RAB15: variants seen among roughly 807,000 people sequenced by gnomAD.
The protein encoded by RAB15 is RAB15, member RAS oncogene family, also known as ras-related protein Rab-15.
A neutral mutation model predicts 31.8 loss-of-function variants in RAB15; 13 were observed. The ratio of observed to expected loss-of-function variants is 0.41; its 90% CI spans 0.27 to 0.65. The LOEUF is 0.65. RAB15 is among the 30% of genes least tolerant of loss of function. The pLI, the probability that RAB15 is intolerant of heterozygous loss-of-function variation, is 0.32. For synonymous variants in RAB15, 100 were observed against 105.6 expected (o/e 0.95, Z 0.33); for missense variants, 220 against 277.3 (o/e 0.79, Z 1.47).
intron 1 of RAB15, among the ~76,000 whole-genome samples, chr14:64,964,864 C>G (rs558374910): frequency 1.3e-5 from 2 of 152,082 alleles, no homozygotes; most frequent in African/African-American, 4.8e-5. Context: ...CGTGAGCCAC[C>G]GCACCCAGCC....
At position 64,950,314 on chromosome 14, in the gene RAB15, C is replaced by G; in HGVS notation, c.414+11G>C. The G allele has an allele frequency of 6.2e-7, 1 of 1,611,878 alleles. No homozygotes were observed. On this transcript the variant is annotated intron_variant, in intron 5 of 6. Transcript: ENST00000533601. This position sits in a 1 kb window ranked among gnomAD's most constrained non-coding sequence, Gnocchi z 5.6. ...GGACCTGGGGTGGACTTGCCTTTTCCCTCCACTTACCTGCTGCCCTTGCTC... is the reference window on the plus strand; with the variant it reads ...GGACCTGGGGTGGACTTGCCTTTTCGCTCCACTTACCTGCTGCCCTTGCTC...
At position 64,968,411 on chromosome 14, in the gene RAB15, C is replaced by T. The variant is rs932916824; in HGVS notation, c.124+3542G>A. Reference sequence around the variant, plus strand: ...CCACAGGGGCCTCTCTCTTCCCCAGCCTCCGACAGCATGGAGTCGTGGGAA... The same window carrying T: ...CCACAGGGGCCTCTCTCTTCCCCAGTCTCCGACAGCATGGAGTCGTGGGAA... On this transcript the variant is annotated intron_variant, in intron 1 of 6. Coordinates refer to ENST00000533601, the MANE Select transcript of RAB15 (RefSeq NM_001308154.2). This position sits in a 1 kb window ranked among gnomAD's most constrained non-coding sequence, Gnocchi z 4.9. 2.0e-5 allele frequency among the ~76,000 whole-genome samples: 3 copies of T among 152,204 alleles called. No individual in the cohort carries two copies. The highest frequency in any genetic ancestry group is 7.2e-5 in the African/African-American group (3 of 41,458).
chr14:64,950,248 T>C lies in RAB15; in HGVS notation c.414+77A>G. 1 of 1,214,080 alleles carries C rather than the reference T, an allele frequency of 8.2e-7. No individual in the cohort carries two copies. Among genetic ancestry groups the C allele is most frequent in the South Asian group, 1.2e-5 (1 of 83,092 alleles). The allele number at this position is 1,214,080 out of a possible 1,614,324, so 75.2% of individuals were successfully genotyped here. A position where few individuals can be genotyped will look rare whatever the true frequency, so the allele number is the denominator to read the frequency against. On this transcript the variant is annotated intron_variant, in intron 5 of 6. Coordinates refer to ENST00000533601, the MANE Select transcript of RAB15 (RefSeq NM_001308154.2). This position sits in a 1 kb window ranked among gnomAD's most constrained non-coding sequence, Gnocchi z 5.6. ...GACCTGCCACTGGGGAACACACCCCTAGGTCCCCACGCTCAGGACTGGCCC... is the reference window on the plus strand; with the variant it reads ...GACCTGCCACTGGGGAACACACCCCCAGGTCCCCACGCTCAGGACTGGCCC...
intron 1 of RAB15, among the ~76,000 whole-genome samples, chr14:64,960,818 C>G (rs559063447): frequency 6.6e-6 from 1 of 152,206 alleles, no homozygotes; most frequent in Non-Finnish European, 1.5e-5. Context: ...AGATGAAGCC[C>G]AAGCCAGCAC....
At chr14:64,949,812 C>T (rs566255727) in intron 5 of RAB15, among the ~76,000 whole-genome samples, 1 of 152,116 alleles carries the variant, frequency 6.6e-6, no homozygotes, top group South Asian at 2.1e-4. Context: ...CATGCTTGGA[C>T]ATTCCCTCAG....
In RAB15 at chr14:64,970,836, T is replaced by C. The variant is rs1566851603; in HGVS notation, c.124+1117A>G. On this transcript the variant is annotated intron_variant, in intron 1 of 6. Transcript: ENST00000533601. The surrounding 1 kb of genome is among the most constrained non-coding windows in gnomAD (Gnocchi z 4.1). ...TGGCTTCTTAACCAGAAGGTTCTGT[T>C]CCTCCTGGCTGTATCTATCTGCTCC... 6.6e-6 allele frequency among the ~76,000 whole-genome samples: 1 copy of C among 152,188 alleles called. No individual in the cohort carries two copies. The highest frequency in any genetic ancestry group is 2.4e-5 in the African/African-American group (1 of 41,440).
In RAB15 at chr14:64,948,483, C is replaced by T. The variant is rs1167668991; in HGVS notation, c.510G>A (p.Leu170=). The T allele has an allele frequency of 6.2e-7, 1 of 1,611,534 alleles. No individual in the cohort carries two copies. Among genetic ancestry groups the T allele is most frequent in the South Asian group, 1.1e-5 (1 of 90,656 alleles). ...CTTCCAGCTCCTTCCTATGGGCCTG[C>T]AGCACCAGCTCTGTCAGACGCGTGA... The part of the protein sequence containing the change: ...ESFTRLTELV[L]QAHRKELEGL... The change falls in exon 7 of 7, where the codon CTG becomes CTA. Residue 170 remains leucine, a synonymous_variant. Coordinates refer to ENST00000533601, the MANE Select transcript of RAB15 (RefSeq NM_001308154.2). The surrounding 1 kb of genome is among the most constrained non-coding windows in gnomAD (Gnocchi z 7.0).
rs1471718972 is a variant in RAB15 at position 64,962,745 on chromosome 14, C to G, written c.124+9208G>C. Reference sequence around the variant, plus strand: ...AGGAAGAGGGTCAACAGTACTCTCTCCTTTGTTACAAAAGGGGAACTGCAG... The same window carrying G: ...AGGAAGAGGGTCAACAGTACTCTCTGCTTTGTTACAAAAGGGGAACTGCAG... On this transcript the variant is annotated intron_variant, in intron 1 of 6. Transcript: ENST00000533601. This position sits in a 1 kb window ranked among gnomAD's most constrained non-coding sequence, Gnocchi z 4.2. Among the ~76,000 whole-genome samples, 1 of 152,208 alleles carries G rather than the reference C, an allele frequency of 6.6e-6. No homozygotes were observed. The highest frequency in any genetic ancestry group is 1.5e-5 in the Non-Finnish European group (1 of 68,038).
At chr14:64,969,189 T>C (rs943478946) in intron 1 of RAB15, among the ~76,000 whole-genome samples, 1 of 152,198 alleles carries the variant, frequency 6.6e-6, no homozygotes, top group Non-Finnish European at 1.5e-5. Flanking sequence ...TGACTGTAGG[T>C]ATTATTCATC....
chr14:64,951,380 G>C lies in RAB15; in HGVS notation c.246+223C>G, dbSNP rs1265182654. ...GCTTTGACCTGGATCTTTGACCCAG[G>C]ATGGAGGGTGGAAGTCAGGGGTGAG... On this transcript the variant is annotated intron_variant, in intron 3 of 6. Coordinates refer to ENST00000533601, the MANE Select transcript of RAB15 (RefSeq NM_001308154.2). This position sits in a 1 kb window ranked among gnomAD's most constrained non-coding sequence, Gnocchi z 7.2. 1.3e-5 allele frequency among the ~76,000 whole-genome samples: 2 copies of C among 152,196 alleles called. No homozygotes were observed. The highest frequency in any genetic ancestry group is 4.8e-5 in the African/African-American group (2 of 41,438).
chr14:64,953,176 T>G lies in RAB15; in HGVS notation c.125-605A>C, dbSNP rs974662668. 5.9e-5 allele frequency among the ~76,000 whole-genome samples: 9 copies of G among 152,214 alleles called. No individual in the cohort carries two copies. Among genetic ancestry groups the G allele is most frequent in the African/African-American group, 2.2e-4 (9 of 41,450 alleles). ...CACTCATTCACCATAGGAGGCACTG[T>G]GGTTGACTAGAAGGAGCATGGGCTT... On this transcript the variant is annotated intron_variant, in intron 1 of 6. Transcript: ENST00000533601. The surrounding 1 kb of genome is among the most constrained non-coding windows in gnomAD (Gnocchi z 4.6).
chr14:64,966,868 G>A (rs1887167062), intron 1 of RAB15, among the ~76,000 whole-genome samples: 1 of 152,124 alleles, frequency 6.6e-6, no homozygotes, highest in Admixed American at 6.5e-5. Flanking sequence ...CCTGAAGGCT[G>A]ACACAGACCC....
At position 64,954,522 on chromosome 14, in the gene RAB15, GAGA is replaced by G. The variant is rs1434084538; in HGVS notation, c.125-1954_125-1952del. ...AGCCATCACAAGGGGGACAGGAAGAGAGAAGGTTTTATTTCCTTTATCCCACAA... is the reference window on the plus strand; with the variant it reads ...AGCCATCACAAGGGGGACAGGAAGAGAGGTTTTATTTCCTTTATCCCACAA... On this transcript the variant is annotated intron_variant, in intron 1 of 6. Coordinates refer to ENST00000533601, the MANE Select transcript of RAB15 (RefSeq NM_001308154.2). The surrounding 1 kb of genome is among the most constrained non-coding windows in gnomAD (Gnocchi z 4.3). 3.0e-6 allele frequency: 3 copies of G among 985,338 alleles called. No homozygotes were observed. The highest frequency in any genetic ancestry group is 1.1e-4 in the East Asian group (1 of 8,834). 61.0% of individuals were successfully genotyped at this position (985,338 alleles called of 1,614,324 possible).
chr14:64,946,648 T>G lies in RAB15; in HGVS notation c.*1706A>C, dbSNP rs1885936600. The G allele has an allele frequency of 1.3e-5, 2 of 152,346 alleles. No homozygotes were observed. The highest frequency in any genetic ancestry group is 6.8e-3 in the Middle Eastern group (2 of 294). The allele number at this position is 152,346 out of a possible 1,614,324, so 9.4% of individuals were successfully genotyped here. A position where few individuals can be genotyped will look rare whatever the true frequency, so the allele number is the denominator to read the frequency against. ...AAAGGTTTGATGGTTCTTTCCCCAC[T>G]TCTTTTTGGAGGAGTAAGGAAGTGA... On this transcript the variant is annotated 3_prime_UTR_variant, in exon 7 of 7. Transcript: ENST00000533601.
chr14:64,960,325 G>A (rs982920550), intron 1 of RAB15, among the ~76,000 whole-genome samples: 11 of 152,192 alleles, frequency 7.2e-5, no homozygotes, highest in African/African-American at 1.4e-4. Context: ...GTGCTGTGAC[G>A]CTTACAGAAA....
chr14:64,950,314 C>T lies in RAB15; in HGVS notation c.414+11G>A, dbSNP rs767335737. ...GGACCTGGGGTGGACTTGCCTTTTC[C>T]CTCCACTTACCTGCTGCCCTTGCTC... On this transcript the variant is annotated intron_variant, in intron 5 of 6. Transcript: ENST00000533601. The surrounding 1 kb of genome is among the most constrained non-coding windows in gnomAD (Gnocchi z 5.6). The T allele has an allele frequency of 1.9e-6, 3 of 1,611,760 alleles. No individual in the cohort carries two copies. Among genetic ancestry groups the T allele is most frequent in the Middle Eastern group, 1.7e-4 (1 of 6,048 alleles).
chr14:64,971,480 T>C lies in RAB15; in HGVS notation c.124+473A>G, dbSNP rs557176340. 4.6e-5 allele frequency among the ~76,000 whole-genome samples: 7 copies of C among 151,790 alleles called. No homozygotes were observed. In the South Asian group the frequency reaches 1.5e-3, roughly 32 times the overall value. ...TCGATCCCTGTGGCCCCTCCGTACG[T>C]CCTCTCTTCCCCCCCTCGCCCCCCG... On this transcript the variant is annotated intron_variant, in intron 1 of 6. Coordinates refer to ENST00000533601, the MANE Select transcript of RAB15 (RefSeq NM_001308154.2). This position sits in a 1 kb window ranked among gnomAD's most constrained non-coding sequence, Gnocchi z 4.1.
In RAB15 at chr14:64,950,448, G is replaced by C. The variant is rs1229362238; in HGVS notation, c.325-34C>G. 30 of 1,551,264 alleles carry C rather than the reference G, an allele frequency of 1.9e-5. No individual in the cohort carries two copies. The highest frequency in any genetic ancestry group is 2.6e-5 in the Non-Finnish European group (29 of 1,124,098). ...AAAGGATGGGCAGAACAGCCAGTGA[G>C]TGCTGCCTGCCCCCCCAATTTTCCC... On this transcript the variant is annotated intron_variant, in intron 4 of 6. Transcript: ENST00000533601. This position sits in a 1 kb window ranked among gnomAD's most constrained non-coding sequence, Gnocchi z 5.6.
intron 1 of RAB15, among the ~76,000 whole-genome samples, chr14:64,956,935 A>AT (rs573399507): frequency 0.37 from 52,433 of 143,240 alleles, 12,210 homozygotes; most frequent in African/African-American, 0.66. Context: ...CCTAGCTTCA[A>AT]TTTTTTTTTT....
Sources: allele counts gnomAD v4.1 joint callset (sites outside exome capture counted in the v4.1 genomes callset), GRCh38; gene constraint gnomAD v4.1.1; non-coding constraint Gnocchi (gnomAD v3.1); transcripts MANE v1.5; gene names NCBI Gene and HGNC (gene_info 2026-07-23, HGNC 2026-07-21).